Variants in UGGT1 observed in about 807,000 individuals in gnomAD.
UGGT1 encodes the protein UDP-glucose:glycoprotein glucosyltransferase 1.
UGGT1 carries 107 observed loss-of-function variants against 203.9 expected under a neutral mutation model. The observed-to-expected ratio is 0.52, with a 90% confidence interval of 0.45 to 0.62. The LOEUF is 0.62. Ranked by LOEUF, UGGT1 falls within the 20% of genes least tolerant of loss-of-function variation. The pLI is 0.00. For missense variants in UGGT1, 1,673 were observed against 1,867.2 expected (o/e 0.90, Z 1.92); for synonymous variants, 628 against 653.5 (o/e 0.96, Z 0.59).
chr2:128,095,403 C>G (rs1687068045), intron 1 of UGGT1, among the ~76,000 whole-genome samples: 1 of 150,002 alleles, frequency 6.7e-6, no homozygotes, highest in Non-Finnish European at 1.5e-5. Flanking sequence ...TCTCCTTCCC[C>G]TTCCCCTTTA....
chr2:128,156,309 G>A (rs1690225724), intron 20 of UGGT1, 83 bp from the exon 21 acceptor site: 1 of 1,080,980 alleles, frequency 9.3e-7, no homozygotes, highest in Non-Finnish European at 1.4e-6. Context: ...GTTAGCCATT[G>A]TTTAGACTTT....
intron 8 of UGGT1, among the ~76,000 whole-genome samples, chr2:128,117,996 G>GAGAGAGAGAGAGAGAGGGAA (rs1359875387): frequency 1.1e-5 from 1 of 88,808 alleles, no homozygotes; most frequent in African/African-American, 2.9e-5. Flanking sequence ...GTGTGTGTGA[G>GAGAGAGAGAGAGAGAGGGAA]AGAGAGAGAG....
At chr2:128,184,872 G>A (rs1309665721) in intron 38 of UGGT1, among the ~76,000 whole-genome samples, 1 of 152,086 alleles carries the variant, frequency 6.6e-6, no homozygotes, top group African/African-American at 2.4e-5. Flanking sequence ...AGTAGAGACA[G>A]GGTTTCACCA....
intron 17 of UGGT1, among the ~76,000 whole-genome samples, chr2:128,144,158 G>T (rs932360038): frequency 6.6e-6 from 1 of 152,154 alleles, no homozygotes; most frequent in Non-Finnish European, 1.5e-5. Flanking sequence ...TTTACCTTTA[G>T]CATATTATCT....
intron 12 of UGGT1, among the ~76,000 whole-genome samples, chr2:128,128,516 G>A (rs962527311): frequency 1.3e-5 from 2 of 152,044 alleles, no homozygotes; most frequent in African/African-American, 2.4e-5. Context: ...GTTTCACCAT[G>A]TTGGCCAGGC....
rs372690412 is a variant in UGGT1, at chr2:128,113,126, G to T, written c.564G>T (p.Ser188=). 1.2e-6 allele frequency: 2 copies of T among 1,610,174 alleles called. No individual in the cohort carries two copies. Among genetic ancestry groups the T allele is most frequent in the South Asian group, 1.1e-5 (1 of 90,486 alleles). ...LLFKGDHRYP[S]SNPESPVVIF... ...TCAAAGGAGATCACAGATATCCCTC[G>T]TCTAATCCTGAAAGCCCTGTGGTGA... is the stretch of plus-strand genomic sequence containing the variant. The change falls in exon 6 of 41, where the codon TCG becomes TCT. Residue 188 remains serine (S), a synonymous_variant. Transcript: ENST00000259253.
At chr2:128,104,152 C>G in intron 3 of UGGT1, 138 bp downstream of exon 3, 1 of 589,992 alleles carries the variant, frequency 1.7e-6, no homozygotes. Flanking sequence ...TGATGGTGGT[C>G]AGGAAGAGCC....
At chr2:128,172,544 T>C in intron 28 of UGGT1, 29 bp from the exon 29 acceptor site, 1 of 1,611,690 alleles carries the variant, frequency 6.2e-7, no homozygotes, top group Non-Finnish European at 8.5e-7. Flanking sequence ...ACATCGAAAA[T>C]TATCTAACAC....
At chr2:128,149,088 T>G (rs1211099163) in intron 18 of UGGT1, among the ~76,000 whole-genome samples, 1 of 152,102 alleles carries the variant, frequency 6.6e-6, no homozygotes, top group Non-Finnish European at 1.5e-5. Context: ...TCACCCAGGC[T>G]GGAGTGTAGG....
At position 128,187,549 on chromosome 2, in the gene UGGT1, G is replaced by T. The variant is rs201486802; in HGVS notation, c.4577G>T (p.Arg1526Leu). 2 of 1,614,094 alleles carry T rather than the reference G, an allele frequency of 1.2e-6. No individual in the cohort carries two copies. Among genetic ancestry groups the T allele is most frequent in the Non-Finnish European group, 1.7e-6 (2 of 1,179,982 alleles). Residue 1526 changes from arginine to leucine, a missense_variant, in exon 40 of 41, where the codon CGC becomes CTC. Arg to Leu is a moderately radical substitution (Grantham distance 102). Around this residue, in one of 4 missense-constraint regions of UGGT1, gnomAD observed 513 missense variants for 684.1 expected, o/e 0.75. Coordinates refer to ENST00000259253, the MANE Select transcript of UGGT1 (RefSeq NM_020120.4). ...YDQEIKQLQIRFQKEKETGAL... is the reference protein window; with the variant it reads ...YDQEIKQLQILFQKEKETGAL... ...CAAGAGATCAAACAGCTACAGATCC[G>T]CTTTCAGAAGGAGAAAGAAACGGGA... is the stretch of plus-strand genomic sequence containing the variant.
At chr2:128,109,585 C>A in intron 4 of UGGT1, 49 bp from the exon 5 acceptor site, 2 of 1,424,726 alleles carry the variant, frequency 1.4e-6, no homozygotes, top group African/African-American at 1.4e-5. Flanking sequence ...GTCTTTATCT[C>A]GTCTTTGGTT....
At chr2:128,184,967 C>T (rs1691898424) in intron 38 of UGGT1, among the ~76,000 whole-genome samples, 1 of 152,136 alleles carries the variant, frequency 6.6e-6, no homozygotes, top group Non-Finnish European at 1.5e-5. Context: ...CAATCACGAG[C>T]CACAGTGCCC....
chr2:128,134,625 C>T (rs541798150), intron 14 of UGGT1, among the ~76,000 whole-genome samples: 2 of 152,146 alleles, frequency 1.3e-5, no homozygotes, highest in South Asian at 2.1e-4. Flanking sequence ...GTAGAAAAAG[C>T]GGCATCATCA....
intron 8 of UGGT1, among the ~76,000 whole-genome samples, chr2:128,117,658 C>T (rs1313542141): frequency 2.0e-5 from 3 of 151,560 alleles, no homozygotes; most frequent in Non-Finnish European, 1.5e-5. Context: ...ATTCTCCTGC[C>T]TTAGCCTCCC....
chr2:128,176,708 TG>T, intron 31 of UGGT1, 105 bp from the exon 32 acceptor site: 3 of 1,069,276 alleles, frequency 2.8e-6, no homozygotes, highest in Non-Finnish European at 4.2e-6. Flanking sequence ...TAGCTGGATC[TG>T]GAAAACTCCT....
intron 38 of UGGT1, 78 bp from the exon 39 acceptor site, chr2:128,186,605 T>C (rs1247900847): frequency 8.0e-7 from 1 of 1,243,668 alleles, no homozygotes; most frequent in Non-Finnish European, 1.1e-6. Context: ...GGACCCCATC[T>C]CTCAATAAAT....
chr2:128,093,053 C>G (rs1461225785), intron 1 of UGGT1, among the ~76,000 whole-genome samples: 2 of 152,166 alleles, frequency 1.3e-5, no homozygotes, highest in African/African-American at 4.8e-5. Context: ...ATTCTTACGT[C>G]TGCTTCTCTG....
At chr2:128,140,408 A>T (rs1390287632) in intron 16 of UGGT1, 1 of 152,546 alleles carries the variant, frequency 6.6e-6, no homozygotes, top group Non-Finnish European at 1.5e-5. Context: ...ATGCCATCCA[A>T]CACCAGCACA....
chr2:128,099,445 C>G (rs1237086158), intron 2 of UGGT1, among the ~76,000 whole-genome samples: 1 of 152,110 alleles, frequency 6.6e-6, no homozygotes, highest in Non-Finnish European at 1.5e-5. Flanking sequence ...TGCCTGGCCT[C>G]TAGAATTTTG....
Sources: gnomAD v4.1 joint callset for allele counts (sites outside exome capture counted in the v4.1 genomes callset) on GRCh38, gnomAD v4.1.1 for gene constraint, gnomAD v4.1.1 regional missense constraint, MANE v1.5 for transcripts, NCBI Gene and HGNC (gene_info 2026-07-23, HGNC 2026-07-21) for gene names.